PAIP2: variants seen among roughly 807,000 people sequenced by gnomAD.
PAIP2 encodes polyadenylate-binding protein-interacting protein 2.
A neutral mutation model predicts 14.8 loss-of-function variants in PAIP2; 7 were observed. That is an observed-to-expected ratio of 0.47 (90% CI 0.27 to 0.89). The LOEUF is 0.89. PAIP2 is among the 40% of genes least tolerant of loss of function. The pLI is 0.13. For missense variants in PAIP2, 122 were observed against 154.7 expected (o/e 0.79, Z 1.12); for synonymous variants, 47 against 45.3 (o/e 1.04, Z -0.15).
chr5:139,352,498 TG>T (rs769721009), intron 1 of PAIP2, among the ~76,000 whole-genome samples: 3,303 of 94,692 alleles, frequency 0.035, 102 homozygotes, highest in Middle Eastern at 0.045. Flanking sequence ...GTTTTTTTTT[TG>T]TTGTTTTTTT....
intron 1 of PAIP2, among the ~76,000 whole-genome samples, chr5:139,351,881 A>C (rs1007321317): frequency 6.6e-5 from 10 of 152,078 alleles, no homozygotes; most frequent in African/African-American, 2.4e-4. Context: ...ACTGATCTTG[A>C]ATTCCTGACC....
rs779602855 is a variant in PAIP2 at position 139,364,600 on chromosome 5, C to T, written c.175C>T (p.Arg59Cys). The change falls in exon 3 of 4, where the codon CGC (arginine) becomes TGC (cysteine). Residue 59 changes from arginine (R) to cysteine (C), a missense_variant. Arg to Cys is a radical substitution (Grantham distance 180, BLOSUM62 -3). This residue lies in a region of PAIP2 where 34 missense variants were observed against 74.0 expected (regional missense o/e 0.46). Transcript: ENST00000265192. ...GTTATGGGAAGAAGAATTTATTGAA[C>T]GCTGTTTCCAAGAAATGCTGGAAGA... The part of the protein sequence containing the change: ...EELWEEEFIE[R>C]CFQEMLEEEE... 30 of 1,607,590 alleles carry T rather than the reference C, an allele frequency of 1.9e-5. No individual in the cohort carries two copies. Among genetic ancestry groups the T allele is most frequent in the African/African-American group, 5.4e-5 (4 of 74,750 alleles).
Position 139,361,818 on chromosome 5 carries a change from C to T in PAIP2, c.-26-1941C>T, listed in dbSNP as rs369513599. The stretch of plus-strand genomic sequence containing the variant: ...AAGTTAGCCAGGTGATAATGGCATA[C>T]GCCTGTAATCCCAGCTACTCTGGAG... On this transcript the variant is annotated intron_variant, in intron 1 of 3. Coordinates refer to ENST00000265192, the MANE Select transcript of PAIP2 (RefSeq NM_016480.5). Among the ~76,000 whole-genome samples, 314 of 151,884 alleles carry T rather than the reference C, an allele frequency of 2.1e-3. 14 individuals carry two copies. The South Asian group carries it at 0.06, about 29-fold the overall frequency.
At chr5:139,342,677 C>G (rs748328505) in intron 1 of PAIP2, 1 of 152,106 alleles carries the variant, frequency 6.6e-6, no homozygotes, top group Non-Finnish European at 1.5e-5. Flanking sequence ...GTCCTCTTAC[C>G]TTTTAATAAT....
At chr5:139,360,776 T>C (rs1410680809) in intron 1 of PAIP2, among the ~76,000 whole-genome samples, 1 of 149,592 alleles carries the variant, frequency 6.7e-6, no homozygotes, top group African/African-American at 2.5e-5. Context: ...TTCCTGCCTT[T>C]CTTTTTTTTT....
chr5:139,343,676 C>G (rs1756448465), intron 1 of PAIP2, among the ~76,000 whole-genome samples: 1 of 149,720 alleles, frequency 6.7e-6, no homozygotes, highest in Admixed American at 6.6e-5. Flanking sequence ...TATTGTCATT[C>G]ATTATCATGA....
intron 1 of PAIP2, among the ~76,000 whole-genome samples, chr5:139,353,460 G>C (rs1756809941): frequency 6.6e-6 from 1 of 152,004 alleles, no homozygotes; most frequent in African/African-American, 2.4e-5. Context: ...CATTTTTACT[G>C]TGTATTATTT....
intron 1 of PAIP2, among the ~76,000 whole-genome samples, chr5:139,350,720 AAAG>A (rs755512243): frequency 2.0e-5 from 3 of 152,082 alleles, no homozygotes; most frequent in Non-Finnish European, 2.9e-5. Context: ...AAGCAAAAAA[AAAG>A]AAGAAAAAAA....
rs551967370 is a variant in PAIP2 at position 139,361,673 on chromosome 5, G to A, written c.-26-2086G>A. ...GGTGAAAAGATACTGGGCTGGGCGCGATGGCTCATGCATGTAATCCCAGCA... is the reference window on the plus strand; with the variant it reads ...GGTGAAAAGATACTGGGCTGGGCGCAATGGCTCATGCATGTAATCCCAGCA... On this transcript the variant is annotated intron_variant, in intron 1 of 3. Coordinates refer to ENST00000265192, the MANE Select transcript of PAIP2 (RefSeq NM_016480.5). Among the ~76,000 whole-genome samples the A allele has an allele frequency of 5.3e-5, 8 of 152,204 alleles. No individual in the cohort carries two copies. In the South Asian group the frequency reaches 1.7e-3, roughly 32 times the overall value.
intron 1 of PAIP2, among the ~76,000 whole-genome samples, chr5:139,343,811 G>A (rs1756456282): frequency 6.8e-6 from 1 of 146,122 alleles, no homozygotes; most frequent in African/African-American, 2.5e-5. Flanking sequence ...CCGCCTCCCC[G>A]GGTTCAAGCG....
chr5:139,351,663 G>A (rs1756738666), intron 1 of PAIP2, among the ~76,000 whole-genome samples: 2 of 151,810 alleles, frequency 1.3e-5, no homozygotes, highest in South Asian at 4.1e-4. Context: ...TGTAAGTAGT[G>A]TGTACTTTTT....
At chr5:139,346,265 C>G (rs994106625) in intron 1 of PAIP2, among the ~76,000 whole-genome samples, 1 of 152,118 alleles carries the variant, frequency 6.6e-6, no homozygotes, top group Admixed American at 6.5e-5. Flanking sequence ...TTTTTTGAGA[C>G]GGAGATTTGC....
intron 1 of PAIP2, among the ~76,000 whole-genome samples, chr5:139,350,892 A>G (rs1756710854): frequency 6.6e-6 from 1 of 152,174 alleles, no homozygotes; most frequent in African/African-American, 2.4e-5. Context: ...AAACATGAGG[A>G]ATAAGCTTTC....
In PAIP2 at chr5:139,363,234, C is replaced by CT. The variant is rs202088110; in HGVS notation, c.-26-524dup. Reference sequence around the variant, plus strand: ...CCAGCCTGGGTGACAGAGTGAAACTCTATCTCAAAAAAAAAAAGAAAACAT... The same window carrying CT: ...CCAGCCTGGGTGACAGAGTGAAACTCTTATCTCAAAAAAAAAAAGAAAACAT... On this transcript the variant is annotated intron_variant, in intron 1 of 3. Transcript: ENST00000265192. Among the ~76,000 whole-genome samples the CT allele has an allele frequency of 6.6e-4, 99 of 151,108 alleles. No individual in the cohort carries two copies. The East Asian group carries it at 0.018, about 27-fold the overall frequency.
In PAIP2 at chr5:139,362,413, T is replaced by G. The variant is rs1377617184; in HGVS notation, c.-26-1346T>G. Among the ~76,000 whole-genome samples the G allele has an allele frequency of 1.2e-4, 17 of 145,120 alleles. No individual in the cohort carries two copies. In the South Asian group the frequency reaches 2.8e-3, roughly 24 times the overall value. ...ATTTTTTGTTTTTGGGTGTTTTTTT[T>G]TTTTTTTTTTTTTTGAGATGGAGTT... On this transcript the variant is annotated intron_variant, in intron 1 of 3. Coordinates refer to ENST00000265192, the MANE Select transcript of PAIP2 (RefSeq NM_016480.5).
intron 3 of PAIP2, among the ~76,000 whole-genome samples, chr5:139,366,477 G>C (rs1047665436): frequency 6.6e-5 from 10 of 151,896 alleles, no homozygotes; most frequent in Non-Finnish European, 5.9e-5. Context: ...GGTGTAGAGA[G>C]CACTGAAGTT....
chr5:139,361,480 T>C (rs1757065584), intron 1 of PAIP2, among the ~76,000 whole-genome samples: 1 of 152,206 alleles, frequency 6.6e-6, no homozygotes, highest in South Asian at 2.1e-4. Flanking sequence ...AATTGTTTTA[T>C]GTAAATCTAT....
chr5:139,350,634 AAAAT>A (rs1019786596), intron 1 of PAIP2, among the ~76,000 whole-genome samples: 4 of 144,888 alleles, frequency 2.8e-5, no homozygotes, highest in African/African-American at 7.3e-5. Context: ...CTGTCTCAAA[AAAAT>A]AAATAAATAA....
chr5:139,365,184 G>T (rs895159592), intron 3 of PAIP2: 1 of 144,250 alleles, frequency 6.9e-6, no homozygotes, highest in East Asian at 2.0e-4. Context: ...TAAATAAATA[G>T]AATAAAAAAT....
Sources: allele counts gnomAD v4.1 joint callset (sites outside exome capture counted in the v4.1 genomes callset), GRCh38; gene constraint gnomAD v4.1.1; regional missense constraint gnomAD v4.1.1; transcripts MANE v1.5; gene names NCBI Gene and HGNC (gene_info 2026-07-23, HGNC 2026-07-21).